Variants in PTPRD observed in about 807,000 individuals in gnomAD.
The protein encoded by PTPRD is receptor-type tyrosine-protein phosphatase delta.
PTPRD carries 34 observed loss-of-function variants against 214.5 expected under a neutral mutation model. That is an observed-to-expected ratio of 0.16 (90% CI 0.12 to 0.21). The LOEUF (loss-of-function observed/expected upper bound fraction) is 0.21, where lower values mean the gene tolerates loss of function less well. PTPRD is among the 10% of genes least tolerant of loss of function. PTPRD has a pLI of 1.00. For synonymous variants in PTPRD, 1,128 were observed against 845.7 expected (o/e 1.33, Z -5.79); for missense variants, 2,545 against 2,398.7 (o/e 1.06, Z -1.27).
chr9:8,443,139 T>C (rs1245723381), intron 34 of PTPRD, among the ~76,000 whole-genome samples: 1 of 152,216 alleles, frequency 6.6e-6, no homozygotes, highest in Non-Finnish European at 1.5e-5. Context: ...AGCAAGATCC[T>C]GCCTCAAAAC....
chr9:8,811,570 T>C (rs1033029852), intron 11 of PTPRD, among the ~76,000 whole-genome samples: 4 of 152,184 alleles, frequency 2.6e-5, no homozygotes, highest in Admixed American at 6.5e-5. Context: ...ACAATCATTC[T>C]TAATTCCTGC....
chr9:10,149,174 A>G (rs1209367712), intron 3 of PTPRD, among the ~76,000 whole-genome samples: 1 of 152,204 alleles, frequency 6.6e-6, no homozygotes, highest in African/African-American at 2.4e-5. Context: ...GAATGTAGAT[A>G]TTAATTTATT....
At position 8,487,974 on chromosome 9, in the gene PTPRD, A is replaced by G. The variant is rs764849027; in HGVS notation, c.2468-1625T>C. ...AGCCAAAGAGTTTGAGGCTGCAGTG[A>G]GCTATGATCACACCATTGCTGTCCA... On this transcript the variant is annotated intron_variant, in intron 27 of 45. Coordinates refer to ENST00000381196, the MANE Select transcript of PTPRD (RefSeq NM_002839.4). Among the ~76,000 whole-genome samples, 37 of 152,248 alleles carry G rather than the reference A, an allele frequency of 2.4e-4. 1 individual carries two copies. The highest frequency in any genetic ancestry group is 6.8e-3 in the Middle Eastern group (2 of 294).
At chr9:8,640,888 G>A (rs192501810) in intron 12 of PTPRD, among the ~76,000 whole-genome samples, 14 of 133,310 alleles carry the variant, frequency 1.1e-4, no homozygotes, top group South Asian at 4.2e-4. Flanking sequence ...CATGGGTGGT[G>A]CATATATAAT....
At chr9:9,700,496 G>A (rs1018917317) in intron 7 of PTPRD, among the ~76,000 whole-genome samples, 2 of 152,016 alleles carry the variant, frequency 1.3e-5, no homozygotes, top group African/African-American at 4.8e-5. Context: ...TCTAAAATCT[G>A]ACTTGTTTTT....
At chr9:10,127,583 A>G (rs1007345466) in intron 3 of PTPRD, among the ~76,000 whole-genome samples, 4 of 152,166 alleles carry the variant, frequency 2.6e-5, no homozygotes, top group African/African-American at 9.6e-5. Flanking sequence ...TGGAATGGAA[A>G]TTTAATATAC....
At chr9:8,373,807 T>C (rs1240912864) in intron 39 of PTPRD, among the ~76,000 whole-genome samples, 1 of 74,014 alleles carries the variant, frequency 1.4e-5, no homozygotes, top group Non-Finnish European at 2.2e-5. Flanking sequence ...TTAAAAATTA[T>C]GTATGTATGT....
Position 10,021,599 on chromosome 9 carries a change from G to GT in PTPRD, c.-472+12118dup, listed in dbSNP as rs1296925680. On this transcript the variant is annotated intron_variant, in intron 4 of 45. Coordinates refer to ENST00000381196, the MANE Select transcript of PTPRD (RefSeq NM_002839.4). ...CCGCCATCACACCCAGCTAATTTTT[G>GT]TTTTTTTAGTAGAGACGGGGTTTCA... Among the ~76,000 whole-genome samples the GT allele has an allele frequency of 1.6e-3, 9 of 5,582 alleles. 4 individuals are homozygous for GT. The highest frequency in any genetic ancestry group is 2.3e-3 in the Non-Finnish European group (8 of 3,434). 3.7% of individuals were successfully genotyped at this position (5,582 alleles called of 152,430 possible).
intron 6 of PTPRD, among the ~76,000 whole-genome samples, chr9:9,757,660 G>A (rs1397037415): frequency 1.3e-5 from 2 of 152,028 alleles, no homozygotes; most frequent in Non-Finnish European, 2.9e-5. Flanking sequence ...AGGATGTGGG[G>A]TTTGGGATTA....
At chr9:9,111,873 A>G (rs1440664101) in intron 10 of PTPRD, among the ~76,000 whole-genome samples, 1 of 152,122 alleles carries the variant, frequency 6.6e-6, no homozygotes, top group Non-Finnish European at 1.5e-5. Flanking sequence ...CATGATACAA[A>G]ACAAAACAAG....
chr9:8,580,178 CAT>C (rs1442779757), intron 14 of PTPRD, among the ~76,000 whole-genome samples: 6 of 152,076 alleles, frequency 3.9e-5, no homozygotes, highest in South Asian at 2.1e-4. Context: ...TAGCAGTAGA[CAT>C]GTGAAAAAAG....
chr9:8,788,940 A>G (rs917245049), intron 11 of PTPRD, among the ~76,000 whole-genome samples: 2 of 152,158 alleles, frequency 1.3e-5, no homozygotes, highest in African/African-American at 4.8e-5. Flanking sequence ...GACCTTATCA[A>G]TGTCACATTA....
chr9:9,452,551 T>G (rs893847200), intron 8 of PTPRD, among the ~76,000 whole-genome samples: 1 of 151,170 alleles, frequency 6.6e-6, no homozygotes, highest in African/African-American at 2.4e-5. Context: ...ACCACAGAAG[T>G]TGGCTTAACT....
At chr9:8,351,765 A>AT (rs1323675168) in intron 39 of PTPRD, among the ~76,000 whole-genome samples, 45 of 145,834 alleles carry the variant, frequency 3.1e-4, no homozygotes, top group Admixed American at 1.0e-3. Flanking sequence ...AAAAAAAAAA[A>AT]AAAAAAATCT....
rs114919969 is a variant in PTPRD at position 10,232,505 on chromosome 9, A to G, written c.-545+108458T>C. Among the ~76,000 whole-genome samples, 427 of 152,050 alleles carry G rather than the reference A, an allele frequency of 2.8e-3. 4 individuals are homozygous for G. Among genetic ancestry groups the G allele is most frequent in the African/African-American group, 1.0e-2 (415 of 41,540 alleles). Reference sequence around the variant, plus strand: ...TACAACAAAGCATCACTTCTACTAAATCGATTTGTATCATATTCAGGCCCT... The same window carrying G: ...TACAACAAAGCATCACTTCTACTAAGTCGATTTGTATCATATTCAGGCCCT... On this transcript the variant is annotated intron_variant, in intron 3 of 45. Coordinates refer to ENST00000381196, the MANE Select transcript of PTPRD (RefSeq NM_002839.4).
At position 8,638,962 on chromosome 9, in the gene PTPRD, C is replaced by T. The variant is rs369259641; in HGVS notation, c.65-2118G>A. ...GGTTCAAGCGATTCTCCTGCCTCAGCCTCCCAAATAGCTAGGACTACAGGT... is the reference window on the plus strand; with the variant it reads ...GGTTCAAGCGATTCTCCTGCCTCAGTCTCCCAAATAGCTAGGACTACAGGT... On this transcript the variant is annotated intron_variant, in intron 12 of 45. Transcript: ENST00000381196. Among the ~76,000 whole-genome samples the T allele has an allele frequency of 3.9e-4, 59 of 152,264 alleles. 1 individual carries two copies. The South Asian group carries it at 9.5e-3, about 25-fold the overall frequency.
At chr9:8,326,454 C>G (rs537934350) in intron 44 of PTPRD, among the ~76,000 whole-genome samples, 1 of 151,694 alleles carries the variant, frequency 6.6e-6, no homozygotes, top group Non-Finnish European at 1.5e-5. Flanking sequence ...TTTTGATGTG[C>G]TGCTGGATTC....
In PTPRD at chr9:8,317,680, G is replaced by GTTAGA. The variant is rs915871901; in HGVS notation, c.*189_*193dup. On this transcript the variant is annotated 3_prime_UTR_variant, in exon 46 of 46. Transcript: ENST00000381196. ...CAGGATTCTCTTCATTATTTTTCAG[G>GTTAGA]TTAGATTATTAAACTGTGAATTCTT... 6.7e-5 allele frequency: 31 copies of GTTAGA among 459,626 alleles called. No homozygotes were observed. Among genetic ancestry groups the GTTAGA allele is most frequent in the African/African-American group, 5.8e-4 (30 of 51,746 alleles). The allele number at this position is 459,626 out of a possible 1,614,324, so 28.5% of individuals were successfully genotyped here.
intron 11 of PTPRD, among the ~76,000 whole-genome samples, chr9:8,966,816 G>A (rs1011308365): frequency 6.6e-6 from 1 of 152,010 alleles, no homozygotes; most frequent in Non-Finnish European, 1.5e-5. Flanking sequence ...AGAGTAAACA[G>A]ACAACCTACA....
Sources: gnomAD v4.1 joint callset for allele counts (sites outside exome capture counted in the v4.1 genomes callset) on GRCh38, gnomAD v4.1.1 for gene constraint, MANE v1.5 for transcripts, NCBI Gene and HGNC (gene_info 2026-07-23, HGNC 2026-07-21) for gene names.